SH2D3C: variants seen among roughly 807,000 people sequenced by gnomAD.
The protein encoded by SH2D3C is SH2 domain-containing protein 3C.
A neutral mutation model predicts 75.2 loss-of-function variants in SH2D3C; 25 were observed. The ratio of observed to expected loss-of-function variants is 0.33; its 90% CI spans 0.24 to 0.46. The LOEUF (loss-of-function observed/expected upper bound fraction) is 0.46. Among genes scored for constraint, SH2D3C ranks in the 20% least tolerant of loss-of-function variants. The probability of loss-of-function intolerance (pLI) is 1.00; values close to 1 mark genes in which losing one functional copy is unlikely to be tolerated. For synonymous variants in SH2D3C, 450 were observed against 473.7 expected (o/e 0.95, Z 0.65); for missense variants, 933 against 1,165.3 (o/e 0.80, Z 2.90).
intron 2 of SH2D3C, among the ~76,000 whole-genome samples, chr9:127,767,921 G>A (rs113827830): frequency 6.6e-4 from 101 of 152,264 alleles, no homozygotes; most frequent in African/African-American, 2.1e-3. Context: ...CTCACCCCAC[G>A]CAGGTCCAGC....
chr9:127,741,533 G>A (rs35357299), intron 9 of SH2D3C, among the ~76,000 whole-genome samples: 6,534 of 152,210 alleles, frequency 0.043, 207 homozygotes, highest in Middle Eastern at 0.095. Context: ...CACGGCACCC[G>A]GCCTATTCTT....
At chr9:127,771,336 G>A (rs1845734640) in intron 2 of SH2D3C, 1 of 1,405,026 alleles carries the variant, frequency 7.1e-7, no homozygotes, top group Non-Finnish European at 9.3e-7. Context: ...CTCCGGGGGC[G>A]GAGACTGACC....
intron 2 of SH2D3C, among the ~76,000 whole-genome samples, chr9:127,762,699 G>C (rs1036965284): frequency 6.6e-6 from 1 of 152,118 alleles, no homozygotes; most frequent in East Asian, 1.9e-4. Context: ...CTCGGGCTCC[G>C]TGTCCACTGC....
At chr9:127,772,113 TAC>T (rs1299277424) in intron 2 of SH2D3C, among the ~76,000 whole-genome samples, 1 of 152,082 alleles carries the variant, frequency 6.6e-6, no homozygotes, top group East Asian at 1.9e-4. Context: ...TCTAGGCAAT[TAC>T]AGCTCAGAGA....
At position 127,774,409 on chromosome 9, in the gene SH2D3C, C is replaced by G. The variant is rs1387051902; in HGVS notation, c.96G>C (p.Leu32=). 1 of 1,613,574 alleles carries G rather than the reference C, an allele frequency of 6.2e-7. No individual in the cohort carries two copies. Among genetic ancestry groups the G allele is most frequent in the Non-Finnish European group, 8.5e-7 (1 of 1,179,746 alleles). ...SLSNLPRSFT[L]RRSSASISRQ... ...TACTGATGGAAGCTGAGGATCGTCTCAGAGTGAAGGACCGAGGGAGGTTGG... is the reference window on the plus strand; with the variant it reads ...TACTGATGGAAGCTGAGGATCGTCTGAGAGTGAAGGACCGAGGGAGGTTGG... Residue 32 remains leucine (L), a synonymous_variant, in exon 2 of 12, where the codon CTG becomes CTC. Transcript: ENST00000314830. This position sits in a 1 kb window ranked among gnomAD's most constrained non-coding sequence, Gnocchi z 4.3.
At position 127,749,161 on chromosome 9, in the gene SH2D3C, A is replaced by G. The variant is rs748740825; in HGVS notation, c.1139+50T>C. ...GTACCTAGGCCTTCTCTTTCTCACT[A>G]GCCCTCTCATTACCCACAACCCCAT... On this transcript the variant is annotated intron_variant, in intron 5 of 11. Coordinates refer to ENST00000314830, the MANE Select transcript of SH2D3C (RefSeq NM_170600.3). This position sits in a 1 kb window ranked among gnomAD's most constrained non-coding sequence, Gnocchi z 5.9. 8.4e-6 allele frequency: 11 copies of G among 1,312,804 alleles called. No homozygotes were observed. The African/African-American group carries it at 1.6e-4, about 19-fold the overall frequency. The allele number at this position is 1,312,804 out of a possible 1,614,324, so 81.3% of individuals were successfully genotyped here. A position where few individuals can be genotyped will look rare whatever the true frequency, so the allele number is the denominator to read the frequency against.
chr9:127,761,942 C>T (rs78498180), intron 2 of SH2D3C, among the ~76,000 whole-genome samples: 3,639 of 152,294 alleles, frequency 0.024, 142 homozygotes, highest in African/African-American at 0.081. Flanking sequence ...ATGAACATTA[C>T]ATGCTTATTA....
At position 127,738,609 on chromosome 9, in the gene SH2D3C, G is replaced by A. The variant is rs1404197356; in HGVS notation, c.*137C>T. On this transcript the variant is annotated 3_prime_UTR_variant, in exon 12 of 12. Transcript: ENST00000314830. The surrounding 1 kb of genome is among the most constrained non-coding windows in gnomAD (Gnocchi z 5.0). Reference sequence around the variant, plus strand: ...CCCAGAGTCCACGCAGGACCCTGGAGGTGCAAGGGAGATGCTTGAGTTGAA... The same window carrying A: ...CCCAGAGTCCACGCAGGACCCTGGAAGTGCAAGGGAGATGCTTGAGTTGAA... The A allele has an allele frequency of 3.4e-6, 3 of 881,620 alleles. No homozygotes were observed. Among genetic ancestry groups the A allele is most frequent in the Admixed American group, 3.3e-5 (1 of 29,992 alleles). The allele number at this position is 881,620 out of a possible 1,614,324, so 54.6% of individuals were successfully genotyped here. A position where few individuals can be genotyped will look rare whatever the true frequency, so the allele number is the denominator to read the frequency against.
intron 9 of SH2D3C, among the ~76,000 whole-genome samples, chr9:127,741,241 C>CTTTT (rs71495658): frequency 8.2e-4 from 113 of 137,574 alleles, no homozygotes; most frequent in African/African-American, 2.6e-3. Context: ...TCTTCTTATT[C>CTTTT]TTTTTTTTTT....
intron 3 of SH2D3C, among the ~76,000 whole-genome samples, chr9:127,760,311 G>C (rs894713180): frequency 6.6e-6 from 1 of 152,110 alleles, no homozygotes; most frequent in Admixed American, 6.6e-5. Flanking sequence ...TGCTTAGGGT[G>C]GGGGCTCCTG....
In SH2D3C at chr9:127,739,522, AAAAAG is replaced by A. The variant is rs1483463560; in HGVS notation, c.2407+155_2407+159del. Among the ~76,000 whole-genome samples the A allele has an allele frequency of 2.6e-5, 4 of 152,178 alleles. No homozygotes were observed. The highest frequency in any genetic ancestry group is 2.9e-5 in the Non-Finnish European group (2 of 68,022). On this transcript the variant is annotated intron_variant, in intron 11 of 11. Transcript: ENST00000314830. This position sits in a 1 kb window ranked among gnomAD's most constrained non-coding sequence, Gnocchi z 4.3. ...GAGACTCCATCTCAAAAAAAAAAGA[AAAAAG>A]AAAAGAAAAGACATGAGAGGAAGGG...
At chr9:127,757,861 A>C (rs992326253) in intron 3 of SH2D3C, among the ~76,000 whole-genome samples, 1 of 151,934 alleles carries the variant, frequency 6.6e-6, no homozygotes, top group Admixed American at 6.6e-5. Context: ...GGGTTTCTCC[A>C]TGTTGGCCAG....
intron 1 of SH2D3C, among the ~76,000 whole-genome samples, chr9:127,777,414 C>T (rs1829037686): frequency 6.6e-6 from 1 of 151,602 alleles, no homozygotes; most frequent in South Asian, 2.1e-4. Flanking sequence ...CCCCCATCCC[C>T]CTGCCGCCCC....
At chr9:127,740,144 A>G in intron 10 of SH2D3C, 114 bp downstream of exon 10, 1 of 898,508 alleles carries the variant, frequency 1.1e-6, no homozygotes, top group Non-Finnish European at 1.8e-6. Context: ...CAGTGAGCTC[A>G]GGGAAAGTAG....
chr9:127,751,407 G>C lies in SH2D3C; in HGVS notation c.556-107C>G. The C allele has an allele frequency of 9.2e-7, 1 of 1,090,562 alleles. No homozygotes were observed. The highest frequency in any genetic ancestry group is 1.4e-6 in the Non-Finnish European group (1 of 731,598). The allele number at this position is 1,090,562 out of a possible 1,614,324, so 67.6% of individuals were successfully genotyped here. A position where few individuals can be genotyped will look rare whatever the true frequency, so the allele number is the denominator to read the frequency against. ...AACTCCTCCTATCCTGGGACTCTGG[G>C]AACACTAAGGCACAGGTGCCAGACC... On this transcript the variant is annotated intron_variant, in intron 3 of 11. Coordinates refer to ENST00000314830, the MANE Select transcript of SH2D3C (RefSeq NM_170600.3). The surrounding 1 kb of genome is among the most constrained non-coding windows in gnomAD (Gnocchi z 4.1).
rs1845199040 is a variant in SH2D3C, at chr9:127,751,432, C to A, written c.556-132G>T. ...GAACACTAAGGCACAGGTGCCAGAC[C>A]CTTTCCCATGGGTCCCAGAAAGAGT... On this transcript the variant is annotated intron_variant, in intron 3 of 11. Transcript: ENST00000314830. The surrounding 1 kb of genome is among the most constrained non-coding windows in gnomAD (Gnocchi z 4.1). The A allele has an allele frequency of 1.2e-6, 1 of 832,070 alleles. No homozygotes were observed. The highest frequency in any genetic ancestry group is 1.9e-6 in the Non-Finnish European group (1 of 516,718). The allele number at this position is 832,070 out of a possible 1,614,324, so 51.5% of individuals were successfully genotyped here. A position where few individuals can be genotyped will look rare whatever the true frequency, so the allele number is the denominator to read the frequency against.
At chr9:127,745,455 CTTTTTTTTTTTT>C (rs1190107937) in intron 6 of SH2D3C, among the ~76,000 whole-genome samples, 1 of 109,552 alleles carries the variant, frequency 9.1e-6, no homozygotes, top group African/African-American at 4.6e-5. Flanking sequence ...TAATGATTTC[CTTTTTTTTTTTT>C]TTTTTTTTTT....
intron 2 of SH2D3C, chr9:127,771,387 C>T (rs949544333): frequency 3.8e-6 from 5 of 1,329,460 alleles, no homozygotes; most frequent in Admixed American, 3.9e-5. Flanking sequence ...GCTCCTTGCC[C>T]GGCCCCACTC....
chr9:127,761,578 T>C (rs1174179360), intron 3 of SH2D3C, 33 bp downstream of exon 3: 4 of 1,556,414 alleles, frequency 2.6e-6, no homozygotes, highest in Non-Finnish European at 1.8e-6. Flanking sequence ...ACCTTCAGTG[T>C]CCTCTGACCA....
Sources: gnomAD v4.1 joint callset for allele counts (sites outside exome capture counted in the v4.1 genomes callset) on GRCh38, gnomAD v4.1.1 for gene constraint, Gnocchi (gnomAD v3.1) non-coding constraint, MANE v1.5 for transcripts, NCBI Gene and HGNC (gene_info 2026-07-23, HGNC 2026-07-21) for gene names.